SMCO1: variants seen among roughly 807,000 people sequenced by gnomAD.
SMCO1 encodes single-pass membrane protein with coiled-coil domains 1.
Under a neutral mutation model 7.5 loss-of-function variants are expected in SMCO1, and 9 were observed. The ratio of observed to expected loss-of-function variants is 1.20; its 90% CI spans 0.72 to 2.09. The LOEUF is 2.09. Ranked by LOEUF, SMCO1 falls within the 30% of genes most tolerant of loss-of-function variation. SMCO1 has a pLI of 0.00. For synonymous variants in SMCO1, 90 were observed against 93.8 expected (o/e 0.96, Z 0.23); for missense variants, 219 against 253.1 (o/e 0.87, Z 0.91).
chr3:196,511,427 C>A (rs192235178), intron 1 of SMCO1, among the ~76,000 whole-genome samples: 2 of 112,404 alleles, frequency 1.8e-5, no homozygotes, highest in African/African-American at 9.1e-5. Context: ...CCTAGATTGT[C>A]CTTATGAGGG....
upstream of SMCO1, among the ~76,000 whole-genome samples, chr3:196,516,130 T>A (rs1388507306): frequency 6.9e-6 from 1 of 145,616 alleles, no homozygotes; most frequent in Non-Finnish European, 1.5e-5. Flanking sequence ...TATATTAGAT[T>A]AGGAATTGAA....
intron 1 of SMCO1, among the ~76,000 whole-genome samples, chr3:196,512,925 ATGT>A (rs1733288650): frequency 6.6e-6 from 1 of 152,214 alleles, no homozygotes; most frequent in African/African-American, 2.4e-5. Flanking sequence ...CTATGAAGAA[ATGT>A]TGTCACTGCT....
upstream of SMCO1, among the ~76,000 whole-genome samples, chr3:196,517,439 A>G (rs1482846908): frequency 6.6e-6 from 1 of 152,172 alleles, no homozygotes; most frequent in African/African-American, 2.4e-5. Flanking sequence ...ATTAAGTTCC[A>G]TAAAAATTCT....
chr3:196,511,317 T>C (rs1467166305), intron 1 of SMCO1, among the ~76,000 whole-genome samples: 24 of 112,944 alleles, frequency 2.1e-4, no homozygotes, highest in Non-Finnish European at 2.6e-4. Context: ...CTAGATTGTC[T>C]TTATGAGGGA....
In SMCO1 at chr3:196,507,777, A is replaced by G; in HGVS notation, c.*110T>C. 1.5e-6 allele frequency: 1 copy of G among 653,502 alleles called. No individual in the cohort carries two copies. Among genetic ancestry groups the G allele is most frequent in the Non-Finnish European group, 2.6e-6 (1 of 378,354 alleles). The allele number at this position is 653,502 out of a possible 1,614,324, so 40.5% of individuals were successfully genotyped here. A position where few individuals can be genotyped will look rare whatever the true frequency, so the allele number is the denominator to read the frequency against. The stretch of plus-strand genomic sequence containing the variant: ...ATCAATTTGTCATAATTTATTTAAC[A>G]TCCTCTCACTCTTTGCTATAAAAAT... On this transcript the variant is annotated 3_prime_UTR_variant, in exon 3 of 3. Transcript: ENST00000397537.
upstream of SMCO1, among the ~76,000 whole-genome samples, chr3:196,518,595 C>A (rs560753285): frequency 1.8e-4 from 28 of 152,162 alleles, no homozygotes; most frequent in Admixed American, 5.2e-4. Flanking sequence ...AGACAAAGGA[C>A]CCTGGCACAA....
upstream of SMCO1, among the ~76,000 whole-genome samples, chr3:196,516,420 C>T (rs1733390823): frequency 6.6e-6 from 1 of 151,590 alleles, no homozygotes; most frequent in African/African-American, 2.4e-5. Context: ...ATTGTGTGAG[C>T]AAAATCACAG....
At chr3:196,519,598 G>A (rs1210889845), upstream of SMCO1, among the ~76,000 whole-genome samples, 1 of 152,132 alleles carries the variant, frequency 6.6e-6, no homozygotes, top group African/African-American at 2.4e-5. Context: ...ATTAGTAAGG[G>A]GATTTTAAGT....
intron 1 of SMCO1, among the ~76,000 whole-genome samples, chr3:196,514,890 C>T (rs1327097711): frequency 2.6e-5 from 4 of 152,076 alleles, no homozygotes; most frequent in Admixed American, 6.6e-5. Context: ...TACAGGCGCC[C>T]GCCACCATGC....
chr3:196,509,167 A>C (rs1176441458), intron 2 of SMCO1, among the ~76,000 whole-genome samples: 1 of 147,296 alleles, frequency 6.8e-6, no homozygotes, highest in Non-Finnish European at 1.5e-5. Flanking sequence ...CTCCTGCCTC[A>C]GCCTCCCGAG....
At chr3:196,513,253 C>A (rs1733296543) in intron 1 of SMCO1, among the ~76,000 whole-genome samples, 1 of 151,740 alleles carries the variant, frequency 6.6e-6, no homozygotes, top group African/African-American at 2.4e-5. Flanking sequence ...TTGCTTCAGC[C>A]CAGGAGTTCA....
intron 1 of SMCO1, among the ~76,000 whole-genome samples, chr3:196,510,278 G>C (rs755714614): frequency 6.6e-6 from 1 of 152,122 alleles, no homozygotes; most frequent in South Asian, 2.1e-4. Context: ...TATACCTTAC[G>C]ATTTAGAGAA....
upstream of SMCO1, among the ~76,000 whole-genome samples, chr3:196,518,127 G>A (rs758535228): frequency 8.5e-5 from 13 of 152,224 alleles, no homozygotes; most frequent in Non-Finnish European, 1.5e-4. Flanking sequence ...AGGCATCATG[G>A]CAACCAGCCA....
upstream of SMCO1, among the ~76,000 whole-genome samples, chr3:196,520,162 T>A (rs187899202): frequency 3.9e-5 from 6 of 152,258 alleles, no homozygotes; most frequent in Admixed American, 3.3e-4. Flanking sequence ...CTTCTTACCA[T>A]CCTGGGGACA....
chr3:196,520,689 G>A, the SMCO1 span, among the ~76,000 whole-genome samples: 6 of 152,280 alleles, frequency 3.9e-5, no homozygotes, highest in Non-Finnish European at 8.8e-5. Flanking sequence ...TTGATCTCAC[G>A]TGTTGCTCCT....
chr3:196,516,612 A>C (rs561715571), upstream of SMCO1, among the ~76,000 whole-genome samples: 18 of 152,202 alleles, frequency 1.2e-4, no homozygotes, highest in Non-Finnish European at 2.2e-4. Context: ...ATAGATATTA[A>C]TTGAATGTAT....
chr3:196,509,313 C>G (rs1198018486), intron 2 of SMCO1, among the ~76,000 whole-genome samples: 1 of 151,492 alleles, frequency 6.6e-6, no homozygotes, highest in Non-Finnish European at 1.5e-5. Flanking sequence ...ATCCGCCCGC[C>G]TCGGCCTCCC....
At chr3:196,509,156 T>G (rs1001161142) in intron 2 of SMCO1, among the ~76,000 whole-genome samples, 1 of 149,100 alleles carries the variant, frequency 6.7e-6, no homozygotes, top group Non-Finnish European at 1.5e-5. Context: ...TTCACGCCAT[T>G]CTCCTGCCTC....
chr3:196,507,010 T>TG lies in SMCO1; in HGVS notation c.*876dup, dbSNP rs1733062113. The TG allele has an allele frequency of 6.6e-6, 1 of 152,238 alleles. No homozygotes were observed. The highest frequency in any genetic ancestry group is 2.4e-5 in the African/African-American group (1 of 41,456). 9.4% of individuals were successfully genotyped at this position (152,238 alleles called of 1,614,324 possible). On this transcript the variant is annotated 3_prime_UTR_variant, in exon 3 of 3. Transcript: ENST00000397537. ...GGGCTAGAAATGGGCAAGTGCATGC[T>TG]GATTGGTCTGTGGCTATGCTTGACA...
Sources: gnomAD v4.1 joint callset for allele counts (sites outside exome capture counted in the v4.1 genomes callset) on GRCh38, gnomAD v4.1.1 for gene constraint, MANE v1.5 for transcripts, NCBI Gene and HGNC (gene_info 2026-07-23, HGNC 2026-07-21) for gene names.